NR6A1: variants seen among roughly 807,000 people sequenced by gnomAD.
NR6A1 encodes retinoic acid receptor-related testis-associated receptor.
NR6A1 carries 7 observed loss-of-function variants against 59.1 expected under a neutral mutation model. That is an observed-to-expected ratio of 0.12 (90% CI 0.07 to 0.22). The LOEUF (loss-of-function observed/expected upper bound fraction) is 0.22. NR6A1 is among the 10% of genes least tolerant of loss of function. NR6A1 has a pLI of 1.00. For synonymous variants in NR6A1, 243 were observed against 236.1 expected (o/e 1.03, Z -0.27); for missense variants, 468 against 611.6 (o/e 0.77, Z 2.48).
chr9:124,677,270 TC>T (rs1373964943), intron 2 of NR6A1, among the ~76,000 whole-genome samples: 1 of 152,166 alleles, frequency 6.6e-6, no homozygotes, highest in Non-Finnish European at 1.5e-5. Flanking sequence ...CTATTTCCTT[TC>T]TTCTGGAGAC....
intron 2 of NR6A1, among the ~76,000 whole-genome samples, chr9:124,690,813 TTGA>T (rs1362392908): frequency 1.3e-5 from 2 of 152,200 alleles, no homozygotes; most frequent in Non-Finnish European, 2.9e-5. Context: ...TCAAACTTGC[TTGA>T]TGATAAAAAC....
At chr9:124,713,827 T>A (rs929527834) in intron 2 of NR6A1, among the ~76,000 whole-genome samples, 1 of 152,206 alleles carries the variant, frequency 6.6e-6, no homozygotes, top group East Asian at 1.9e-4. Context: ...GAAAACAGTA[T>A]GGTGATTCCT....
intron 2 of NR6A1, chr9:124,607,206 G>A (rs1233153895): frequency 6.6e-6 from 1 of 152,218 alleles, no homozygotes; most frequent in African/African-American, 2.4e-5. Context: ...TCACGAGGCT[G>A]AGGCAGAAAG....
At chr9:124,754,564 G>A (rs1588856416) in intron 1 of NR6A1, among the ~76,000 whole-genome samples, 1 of 152,066 alleles carries the variant, frequency 6.6e-6, no homozygotes, top group South Asian at 2.1e-4. Context: ...GCATGGGGGA[G>A]AAATGATGTA....
chr9:124,564,099 C>T (rs367984553), intron 2 of NR6A1, among the ~76,000 whole-genome samples: 1 of 151,918 alleles, frequency 6.6e-6, no homozygotes, highest in Non-Finnish European at 1.5e-5. Flanking sequence ...ACAACAACAA[C>T]AAAAAGAAAA....
chr9:124,654,584 T>G (rs1300768430), intron 2 of NR6A1, among the ~76,000 whole-genome samples: 1 of 152,110 alleles, frequency 6.6e-6, no homozygotes, highest in African/African-American at 2.4e-5. Context: ...AGGCTGAGGT[T>G]CTTCATGTCA....
chr9:124,668,065 C>T (rs1013739968), intron 2 of NR6A1, among the ~76,000 whole-genome samples: 3 of 152,102 alleles, frequency 2.0e-5, no homozygotes, highest in African/African-American at 7.2e-5. Flanking sequence ...TCCCCCAAAA[C>T]TTTACTAATA....
intron 2 of NR6A1, among the ~76,000 whole-genome samples, chr9:124,685,633 A>G (rs1377842003): frequency 6.6e-6 from 1 of 152,196 alleles, no homozygotes; most frequent in African/African-American, 2.4e-5. Context: ...CCCAGCCTAC[A>G]CTTTTAATTC....
At chr9:124,748,809 G>A (rs544126808) in intron 1 of NR6A1, among the ~76,000 whole-genome samples, 1 of 150,792 alleles carries the variant, frequency 6.6e-6, no homozygotes, top group African/African-American at 2.4e-5. Context: ...AGCTTGCAGT[G>A]AGCTGAGATC....
chr9:124,653,931 A>T (rs956850505), intron 2 of NR6A1, among the ~76,000 whole-genome samples: 1 of 152,224 alleles, frequency 6.6e-6, no homozygotes, highest in African/African-American at 2.4e-5. Flanking sequence ...ATATGCTTCT[A>T]AATTATTGAC....
At position 124,517,963 on chromosome 9, in the gene NR6A1, T is replaced by C. The variant is rs1231254988; in HGVS notation, c.*4742A>G. 6.6e-6 allele frequency: 1 copy of C among 151,906 alleles called. No homozygotes were observed. The highest frequency in any genetic ancestry group is 2.4e-5 in the African/African-American group (1 of 41,320). The allele number at this position is 151,906 out of a possible 1,614,324, so 9.4% of individuals were successfully genotyped here. The stretch of plus-strand genomic sequence containing the variant: ...ATGTCGCTTAAGAGGTAGTTTTTTT[T>C]TTCTTTTTCATGGAAATTTGAATCA... On this transcript the variant is annotated 3_prime_UTR_variant, in exon 10 of 10. Transcript: ENST00000487099.
In NR6A1 at chr9:124,700,637, T is replaced by C. The variant is rs938731358; in HGVS notation, c.142+32671A>G. Among the ~76,000 whole-genome samples, 7 of 152,154 alleles carry C rather than the reference T, an allele frequency of 4.6e-5. 1 individual carries two copies. Among genetic ancestry groups the C allele is most frequent in the Admixed American group, 3.9e-4 (6 of 15,260 alleles). ...AAATATTGTTGATAGTATTGCATTATATAGGTATTCCACATTTTGTTTATC... is the reference window on the plus strand; with the variant it reads ...AAATATTGTTGATAGTATTGCATTACATAGGTATTCCACATTTTGTTTATC... On this transcript the variant is annotated intron_variant, in intron 2 of 9. Transcript: ENST00000487099.
At chr9:124,710,701 A>G (rs973148303) in intron 2 of NR6A1, among the ~76,000 whole-genome samples, 1 of 152,210 alleles carries the variant, frequency 6.6e-6, no homozygotes, top group Non-Finnish European at 1.5e-5. Context: ...ATACAATTCA[A>G]TGTTTATAAA....
intron 2 of NR6A1, among the ~76,000 whole-genome samples, chr9:124,614,793 G>A (rs1486831682): frequency 6.6e-6 from 1 of 152,078 alleles, no homozygotes; most frequent in Non-Finnish European, 1.5e-5. Context: ...TTTTGTTGGT[G>A]CTTTTCAAGT....
intron 2 of NR6A1, among the ~76,000 whole-genome samples, chr9:124,591,184 C>G (rs895029849): frequency 6.6e-6 from 1 of 152,220 alleles, no homozygotes; most frequent in Non-Finnish European, 1.5e-5. Context: ...ATAGGCTCAC[C>G]CAAGAATTCT....
intron 2 of NR6A1, among the ~76,000 whole-genome samples, chr9:124,635,550 A>G (rs989690287): frequency 1.3e-4 from 20 of 152,290 alleles, no homozygotes; most frequent in South Asian, 6.2e-4. Flanking sequence ...GAGTCAATTA[A>G]ATCTCTTTTC....
chr9:124,614,632 C>T (rs1343595296), intron 2 of NR6A1, among the ~76,000 whole-genome samples: 5 of 152,156 alleles, frequency 3.3e-5, no homozygotes. Flanking sequence ...TAAAAATATA[C>T]TCTGCCTTAG....
intron 2 of NR6A1, among the ~76,000 whole-genome samples, chr9:124,623,545 A>G (rs1245362096): frequency 6.7e-6 from 1 of 149,088 alleles, no homozygotes; most frequent in Non-Finnish European, 1.5e-5. Flanking sequence ...TTTTTTTTTA[A>G]GAGATGGGGT....
At chr9:124,551,452 A>G (rs555015607) in intron 3 of NR6A1, among the ~76,000 whole-genome samples, 1 of 152,292 alleles carries the variant, frequency 6.6e-6, no homozygotes, top group Admixed American at 6.5e-5. Context: ...TGTCCACAAT[A>G]TATTTACTTG....
Sources: allele counts gnomAD v4.1 joint callset (sites outside exome capture counted in the v4.1 genomes callset), GRCh38; gene constraint gnomAD v4.1.1; transcripts MANE v1.5; gene names NCBI Gene and HGNC (gene_info 2026-07-23, HGNC 2026-07-21).